ME1: variants seen among roughly 807,000 people sequenced by gnomAD.
ME1 encodes the protein NADP-dependent malic enzyme.
In ME1, 74 loss-of-function variants were observed where a neutral mutation model predicts 66.4. The observed-to-expected ratio is 1.11, with a 90% CI of 0.92 to 1.35. ME1 has a LOEUF of 1.35. Among genes scored for constraint, ME1 ranks in the 40% most tolerant of loss-of-function variants. The pLI, the probability that ME1 is intolerant of heterozygous loss-of-function variation, is 0.00. For synonymous variants in ME1, 251 were observed against 235.6 expected (o/e 1.07, Z -0.60); for missense variants, 750 against 694.1 (o/e 1.08, Z -0.90).
intron 2 of ME1, among the ~76,000 whole-genome samples, chr6:83,404,654 T>G (rs761819843): frequency 2.6e-5 from 4 of 152,222 alleles, no homozygotes; most frequent in Non-Finnish European, 5.9e-5. Context: ...TACGTTTAAA[T>G]CGTTAATCCA....
chr6:83,408,589 T>C lies in ME1; in HGVS notation c.79-688A>G, dbSNP rs143103313. 6.4e-4 allele frequency among the ~76,000 whole-genome samples: 98 copies of C among 152,360 alleles called. 1 individual carries two copies. Among genetic ancestry groups the C allele is most frequent in the African/African-American group, 1.8e-3 (75 of 41,594 alleles). On this transcript the variant is annotated intron_variant, in intron 1 of 13. Coordinates refer to ENST00000369705, the MANE Select transcript of ME1 (RefSeq NM_002395.6). ...CCTATGTTACCTGTTTACATGAACA[T>C]TGATTGTATAAAACAAATGATAATA...
chr6:83,301,588 C>A (rs915505436), intron 6 of ME1, among the ~76,000 whole-genome samples: 1 of 152,116 alleles, frequency 6.6e-6, no homozygotes, highest in Non-Finnish European at 1.5e-5. Context: ...GGTGATCCAC[C>A]CACCTCGGCC....
rs1768003241 is a variant in ME1, at chr6:83,315,014, T to C, written c.704+296A>G. Among the ~76,000 whole-genome samples, 3 of 152,214 alleles carry C rather than the reference T, an allele frequency of 2.0e-5. No individual in the cohort carries two copies. In the South Asian group the frequency reaches 6.2e-4, roughly 31 times the overall value. On this transcript the variant is annotated intron_variant, in intron 6 of 13. Coordinates refer to ENST00000369705, the MANE Select transcript of ME1 (RefSeq NM_002395.6). Reference sequence around the variant, plus strand: ...AATGTAAAAAGGTTTGCAGGTAATTTAGTCACTGGTCACTGCCTCCTTTAC... The same window carrying C: ...AATGTAAAAAGGTTTGCAGGTAATTCAGTCACTGGTCACTGCCTCCTTTAC...
At chr6:83,224,940 G>A (rs568189013) in intron 11 of ME1, among the ~76,000 whole-genome samples, 2 of 151,690 alleles carry the variant, frequency 1.3e-5, no homozygotes, top group Non-Finnish European at 2.9e-5. Flanking sequence ...GGTGGCTCAC[G>A]CCTGTAATCC....
rs76270984 is a variant in ME1, at chr6:83,421,500, A to T, written c.78+9377T>A. Among the ~76,000 whole-genome samples the T allele has an allele frequency of 5.9e-3, 894 of 152,356 alleles. 8 individuals are homozygous for T. The highest frequency in any genetic ancestry group is 0.021 in the African/African-American group (855 of 41,576). ...GTTGAGCAGCTATTTGAAGACTGAAAAATACATGATAGCAGAAGAACTAAG... is the reference window on the plus strand; with the variant it reads ...GTTGAGCAGCTATTTGAAGACTGAATAATACATGATAGCAGAAGAACTAAG... On this transcript the variant is annotated intron_variant, in intron 1 of 13. Coordinates refer to ENST00000369705, the MANE Select transcript of ME1 (RefSeq NM_002395.6).
At position 83,262,000 on chromosome 6, in the gene ME1, C is replaced by T. The variant is rs190163505; in HGVS notation, c.705-8262G>A. Among the ~76,000 whole-genome samples, 61 of 122,042 alleles carry T rather than the reference C, an allele frequency of 5.0e-4. No homozygotes were observed. In the East Asian group the frequency reaches 0.01, roughly 21 times the overall value. 80.1% of individuals were successfully genotyped at this position (122,042 alleles called of 152,430 possible). A position where few individuals can be genotyped will look rare whatever the true frequency, so the allele number is the denominator to read the frequency against. On this transcript the variant is annotated intron_variant, in intron 6 of 13. Transcript: ENST00000369705. Reference sequence around the variant, plus strand: ...CCGCACTCCAGCCTGGGCAACAGAGCGAGAATCCATCTCAAAAAAAAAAAA... The same window carrying T: ...CCGCACTCCAGCCTGGGCAACAGAGTGAGAATCCATCTCAAAAAAAAAAAA...
At chr6:83,286,107 C>A (rs944219473) in intron 6 of ME1, among the ~76,000 whole-genome samples, 1 of 152,094 alleles carries the variant, frequency 6.6e-6, no homozygotes, top group Admixed American at 6.6e-5. Context: ...GAGTGTCGTG[C>A]ACTGATTAAA....
intron 6 of ME1, among the ~76,000 whole-genome samples, chr6:83,281,163 A>G (rs1033980014): frequency 3.3e-5 from 5 of 152,202 alleles, no homozygotes; most frequent in African/African-American, 1.2e-4. Flanking sequence ...AAATACTTCA[A>G]AGCTTTTCAA....
At chr6:83,392,612 A>G in intron 3 of ME1, 1 of 574,490 alleles carries the variant, frequency 1.7e-6, no homozygotes, top group Non-Finnish European at 3.4e-6. Flanking sequence ...GAGAACGGGA[A>G]GCTTGTTATC....
chr6:83,319,880 G>T (rs2128540129), intron 5 of ME1, among the ~76,000 whole-genome samples: 1 of 152,246 alleles, frequency 6.6e-6, no homozygotes, highest in Non-Finnish European at 1.5e-5. Context: ...TGTTGATGGT[G>T]GTTATTCTGT....
At chr6:83,266,286 A>T (rs548963168) in intron 6 of ME1, among the ~76,000 whole-genome samples, 37 of 152,230 alleles carry the variant, frequency 2.4e-4, no homozygotes, top group Non-Finnish European at 1.3e-4. Flanking sequence ...TTCTTAGGCC[A>T]CAGAGTAATG....
chr6:83,356,786 G>C (rs1352910574), intron 3 of ME1, among the ~76,000 whole-genome samples: 2 of 152,014 alleles, frequency 1.3e-5, no homozygotes, highest in Non-Finnish European at 2.9e-5. Flanking sequence ...TAGCCAACAT[G>C]ATGCCGCATC....
At chr6:83,328,185 A>G (rs1768338653) in intron 5 of ME1, among the ~76,000 whole-genome samples, 1 of 152,192 alleles carries the variant, frequency 6.6e-6, no homozygotes, top group African/African-American at 2.4e-5. Flanking sequence ...ATGAAGCTGG[A>G]AACCATCATT....
At position 83,211,762 on chromosome 6, in the gene ME1, G is replaced by T; in HGVS notation, c.*162C>A. On this transcript the variant is annotated 3_prime_UTR_variant, in exon 14 of 14. Transcript: ENST00000369705. Reference sequence around the variant, plus strand: ...GTGAAGCAAAATTGTCTCATGTGATGTTTATCCCAATTTATATCGATATTC... The same window carrying T: ...GTGAAGCAAAATTGTCTCATGTGATTTTTATCCCAATTTATATCGATATTC... 1 of 493,924 alleles carries T rather than the reference G, an allele frequency of 2.0e-6. No individual in the cohort carries two copies. The highest frequency in any genetic ancestry group is 2.0e-5 in the African/African-American group (1 of 50,606). The allele number at this position is 493,924 out of a possible 1,614,324, so 30.6% of individuals were successfully genotyped here.
intron 4 of ME1, among the ~76,000 whole-genome samples, chr6:83,351,126 A>G (rs1001208688): frequency 1.3e-5 from 2 of 152,100 alleles, no homozygotes; most frequent in African/African-American, 4.8e-5. Flanking sequence ...AAGGCATGGT[A>G]GCTCACACCT....
In ME1 at chr6:83,331,567, C is replaced by T. The variant is rs554480403; in HGVS notation, c.600+14606G>A. ...TGCCACTGCACTCCAGCCTGGGCAA[C>T]AGAGCAAGACTCCATCTCAAAAAAA... On this transcript the variant is annotated intron_variant, in intron 5 of 13. Coordinates refer to ENST00000369705, the MANE Select transcript of ME1 (RefSeq NM_002395.6). Among the ~76,000 whole-genome samples the T allele has an allele frequency of 1.0e-3, 142 of 139,066 alleles. 1 individual carries two copies. Among genetic ancestry groups the T allele is most frequent in the Non-Finnish European group, 2.9e-4 (19 of 65,718 alleles). 91.2% of individuals were successfully genotyped at this position (139,066 alleles called of 152,430 possible).
intron 3 of ME1, 75 bp from the exon 4 acceptor site, chr6:83,352,214 A>AT (rs1318327492): frequency 3.4e-5 from 32 of 936,306 alleles, no homozygotes; most frequent in Admixed American, 3.6e-5. Flanking sequence ...AATATCTTAA[A>AT]TTTTTTTTCA....
At chr6:83,341,567 C>G (rs907298154) in intron 5 of ME1, among the ~76,000 whole-genome samples, 1 of 152,074 alleles carries the variant, frequency 6.6e-6, no homozygotes. Flanking sequence ...AGAACAAGAA[C>G]TCTAGTTGAT....
intron 7 of ME1, among the ~76,000 whole-genome samples, chr6:83,245,701 C>G (rs531145249): frequency 6.6e-6 from 1 of 152,156 alleles, no homozygotes; most frequent in Non-Finnish European, 1.5e-5. Context: ...AGCCACCGTG[C>G]CTGGCCGAGG....
Sources: gnomAD v4.1 joint callset for allele counts (sites outside exome capture counted in the v4.1 genomes callset) on GRCh38, gnomAD v4.1.1 for gene constraint, MANE v1.5 for transcripts, NCBI Gene and HGNC (gene_info 2026-07-23, HGNC 2026-07-21) for gene names.